The following ATRNL1 variants were observed in gnomAD, a reference collection of about 807,000 sequenced individuals.
The protein encoded by ATRNL1 is attractin-like protein 1.
Under a neutral mutation model 182.7 loss-of-function variants are expected in ATRNL1, and 95 were observed. The ratio of observed to expected loss-of-function variants is 0.52; its 90% confidence interval spans 0.44 to 0.62. The LOEUF is 0.62. Among genes scored for constraint, ATRNL1 ranks in the 20% least tolerant of loss-of-function variants. ATRNL1 has a pLI of 0.00. For missense variants in ATRNL1, 1,471 were observed against 1,679.5 expected, an observed-to-expected ratio of 0.88 and a Z score of 2.17; for synonymous variants, 576 against 568.3, an observed-to-expected ratio of 1.01 and a Z score of -0.19.
intron 26 of ATRNL1, among the ~76,000 whole-genome samples, chr10:115,604,368 G>C (rs1243537031): frequency 1.3e-5 from 2 of 151,938 alleles, no homozygotes; most frequent in Non-Finnish European, 2.9e-5. Context: ...TATCCTTTTC[G>C]AGTTTTCTAC....
At chr10:115,602,007 C>A (rs1265541266) in intron 26 of ATRNL1, among the ~76,000 whole-genome samples, 1 of 149,860 alleles carries the variant, frequency 6.7e-6, no homozygotes, top group Non-Finnish European at 1.5e-5. Flanking sequence ...ACTAGATCTA[C>A]TTTTCTTTTT....
chr10:115,429,850 G>A (rs1186898978), intron 21 of ATRNL1, among the ~76,000 whole-genome samples: 2 of 152,014 alleles, frequency 1.3e-5, no homozygotes, highest in Non-Finnish European at 2.9e-5. Flanking sequence ...GGCGAATCAC[G>A]AGGTCAGGAG....
chr10:115,323,883 T>C (rs1339471320), intron 18 of ATRNL1, among the ~76,000 whole-genome samples: 1 of 152,086 alleles, frequency 6.6e-6, no homozygotes, highest in Non-Finnish European at 1.5e-5. Flanking sequence ...GTTCACGCCA[T>C]TCTCCTGCCT....
intron 21 of ATRNL1, among the ~76,000 whole-genome samples, chr10:115,454,461 G>C (rs1264648642): frequency 6.6e-6 from 1 of 151,890 alleles, no homozygotes; most frequent in Non-Finnish European, 1.5e-5. Flanking sequence ...ATTTTGACAG[G>C]ATTTGCAATG....
chr10:115,411,822 G>C (rs1845155315), intron 20 of ATRNL1, among the ~76,000 whole-genome samples: 1 of 151,890 alleles, frequency 6.6e-6, no homozygotes, highest in Non-Finnish European at 1.5e-5. Context: ...TTTATTATGT[G>C]AATTAGATTA....
intron 28 of ATRNL1, among the ~76,000 whole-genome samples, chr10:115,868,322 TACTCACTTCTGTATTAAA>T (rs1483631949): frequency 6.6e-6 from 1 of 152,134 alleles, no homozygotes; most frequent in East Asian, 1.9e-4. Context: ...CTGACTTCAG[TACTCACTTCTGTATTAAA>T]ACTCTCACCA....
chr10:115,257,824 A>G (rs1273757176), intron 10 of ATRNL1, among the ~76,000 whole-genome samples: 1 of 152,146 alleles, frequency 6.6e-6, no homozygotes, highest in Non-Finnish European at 1.5e-5. Context: ...ATCTCTCAGC[A>G]TTTGCTTGTC....
intron 15 of ATRNL1, among the ~76,000 whole-genome samples, chr10:115,299,289 A>G (rs528431906): frequency 1.8e-4 from 28 of 152,126 alleles, no homozygotes; most frequent in African/African-American, 6.5e-4. Context: ...GTAATTATTA[A>G]GGTTATAAAT....
At chr10:115,276,451 A>G (rs920064273) in intron 13 of ATRNL1, among the ~76,000 whole-genome samples, 4 of 152,326 alleles carry the variant, frequency 2.6e-5, no homozygotes, top group South Asian at 2.1e-4. Context: ...ATTTTATTCA[A>G]TGATGATGTG....
At chr10:115,212,671 A>G (rs914774121) in intron 8 of ATRNL1, among the ~76,000 whole-genome samples, 15 of 152,260 alleles carry the variant, frequency 9.9e-5, no homozygotes, top group Admixed American at 2.0e-4. Context: ...GCAGCCACGA[A>G]AAAGAAAGAG....
chr10:115,295,434 G>C (rs1853132164), intron 15 of ATRNL1, among the ~76,000 whole-genome samples: 1 of 152,158 alleles, frequency 6.6e-6, no homozygotes, highest in Non-Finnish European at 1.5e-5. Flanking sequence ...TGCTGGATGT[G>C]GACTCATGGC....
chr10:115,433,787 CTT>C (rs782727478), intron 21 of ATRNL1, among the ~76,000 whole-genome samples: 7 of 152,036 alleles, frequency 4.6e-5, no homozygotes, highest in Non-Finnish European at 8.8e-5. Context: ...ATTTATTTGA[CTT>C]ATATATTTTA....
rs1348225792 is a variant in ATRNL1, at chr10:115,694,925, ACACACATG to A, written c.3796-32316_3796-32309del. Among the ~76,000 whole-genome samples, 668 of 115,888 alleles carry A rather than the reference ACACACATG, an allele frequency of 5.8e-3. 7 individuals are homozygous for A. The highest frequency in any genetic ancestry group is 0.021 in the African/African-American group (610 of 28,554). 76.0% of individuals were successfully genotyped at this position (115,888 alleles called of 152,430 possible). A position where few individuals can be genotyped will look rare whatever the true frequency, so the allele number is the denominator to read the frequency against. On this transcript the variant is annotated intron_variant, in intron 26 of 28. Transcript: ENST00000355044. ...ATGTTATAAAATCACACACACACAC[ACACACATG>A]CACACACGCACACACACACACACAC...
intron 26 of ATRNL1, among the ~76,000 whole-genome samples, chr10:115,600,894 T>C (rs2133941975): frequency 6.6e-6 from 1 of 150,934 alleles, no homozygotes; most frequent in African/African-American, 2.4e-5. Flanking sequence ...AATTTCAGAG[T>C]CTGATGTAAA....
chr10:115,223,929 A>ATATATATATATAT (rs1420143943), intron 9 of ATRNL1, among the ~76,000 whole-genome samples: 9 of 44,730 alleles, frequency 2.0e-4, no homozygotes, highest in African/African-American at 4.6e-4. Flanking sequence ...ATATATATAT[A>ATATATATATATAT]TTTTTTTTTT....
chr10:115,769,525 G>T (rs1261999760), intron 27 of ATRNL1, among the ~76,000 whole-genome samples: 5 of 152,066 alleles, frequency 3.3e-5, no homozygotes, highest in African/African-American at 1.2e-4. Flanking sequence ...TTATTGAAAG[G>T]ATTACATGCA....
Position 115,940,099 on chromosome 10 carries a change from C to T in ATRNL1, c.4019-4559C>T, listed in dbSNP as rs148374551. ...TCAGCCACTTTCACTTGTGTTTTGG[C>T]GGAGACTCAAGGACAGGCAGGAATG... is the stretch of plus-strand genomic sequence containing the variant. On this transcript the variant is annotated intron_variant, in intron 28 of 28. Transcript: ENST00000355044. Among the ~76,000 whole-genome samples the T allele has an allele frequency of 3.0e-4, 45 of 152,168 alleles. 1 individual carries two copies. The East Asian group carries it at 8.1e-3, about 27-fold the overall frequency.
intron 25 of ATRNL1, among the ~76,000 whole-genome samples, chr10:115,541,672 G>T (rs1305224750): frequency 1.3e-5 from 2 of 152,090 alleles, no homozygotes; most frequent in Non-Finnish European, 2.9e-5. Context: ...AAAATAAAAC[G>T]ATTGCCAAAG....
intron 24 of ATRNL1, among the ~76,000 whole-genome samples, chr10:115,488,441 T>C (rs1849134813): frequency 6.6e-6 from 1 of 152,222 alleles, no homozygotes; most frequent in Non-Finnish European, 1.5e-5. Flanking sequence ...ATTCCTGGTT[T>C]AATCTTGGGA....
Sources: allele counts gnomAD v4.1 joint callset (sites outside exome capture counted in the v4.1 genomes callset), GRCh38; gene constraint gnomAD v4.1.1; transcripts MANE v1.5; gene names NCBI Gene and HGNC (gene_info 2026-07-23, HGNC 2026-07-21).